The following MBD5 variants were observed in gnomAD, a reference collection of about 807,000 sequenced individuals.
MBD5 encodes the protein methyl-CpG-binding domain protein 5.
Under a neutral mutation model 117.3 loss-of-function variants are expected in MBD5, and 13 were observed. The ratio of observed to expected loss-of-function variants is 0.11; its 90% CI spans 0.07 to 0.18. MBD5 has a LOEUF of 0.18. MBD5 is among the 10% of genes least tolerant of loss of function. The pLI, the probability that MBD5 is intolerant of heterozygous loss-of-function variation, is 1.00. For synonymous variants in MBD5, 727 were observed against 766.4 expected (o/e 0.95, Z 0.85); for missense variants, 1,879 against 2,093.8 (o/e 0.90, Z 2.00).
chr2:148,233,775 T>G (rs1443284098), intron 3 of MBD5, among the ~76,000 whole-genome samples: 1 of 152,186 alleles, frequency 6.6e-6, no homozygotes, highest in African/African-American at 2.4e-5. Context: ...TTCTATTTAT[T>G]TTAGAGTTAG....
chr2:148,108,703 T>TTTTGTTTG (rs558167794), intron 1 of MBD5, among the ~76,000 whole-genome samples: 2 of 152,194 alleles, frequency 1.3e-5, no homozygotes, highest in Admixed American at 1.3e-4. Context: ...ATTTAAGAGT[T>TTTTGTTTG]TTTGTTTGTT....
intron 4 of MBD5, among the ~76,000 whole-genome samples, chr2:148,407,155 A>C (rs1263476058): frequency 6.6e-6 from 1 of 152,224 alleles, no homozygotes; most frequent in African/African-American, 2.4e-5. Flanking sequence ...ATTCAGTATG[A>C]ACCAATAACT....
Position 148,483,739 on chromosome 2 carries a change from T to C in MBD5, c.3148T>C (p.Leu1050=). The C allele has an allele frequency of 6.4e-7, 1 of 1,550,554 alleles. No homozygotes were observed. The highest frequency in any genetic ancestry group is 1.4e-5 in the African/African-American group (1 of 73,162). Residue 1050 remains leucine (L), a synonymous_variant, in exon 9 of 14, where the codon TTA becomes CTA. Coordinates refer to ENST00000642680, the MANE Select transcript of MBD5 (RefSeq NM_001378120.1). ...AGACAACAGCCGAGCTGAGACCCTT[T>C]TAACCAGCCCCCTGGGGAACCCTTT... ...QSDNSRAETL[L]TSPLGNPLPS...
intron 4 of MBD5, among the ~76,000 whole-genome samples, chr2:148,451,168 A>G (rs1706715630): frequency 6.6e-6 from 1 of 152,170 alleles, no homozygotes; most frequent in African/African-American, 2.4e-5. Context: ...TACATAAAAC[A>G]AAAGTAAATG....
chr2:148,325,739 A>G (rs1356260213), intron 3 of MBD5, among the ~76,000 whole-genome samples: 1 of 151,350 alleles, frequency 6.6e-6, no homozygotes, highest in Non-Finnish European at 1.5e-5. Context: ...TTTCTTTATT[A>G]GTCTTGCTAG....
intron 1 of MBD5, among the ~76,000 whole-genome samples, chr2:148,031,580 C>T (rs898727628): frequency 7.2e-5 from 11 of 151,902 alleles, no homozygotes; most frequent in South Asian, 6.2e-4. Flanking sequence ...AATAATATAC[C>T]GTACCTTTAC....
chr2:148,090,956 A>C (rs1431876317), intron 1 of MBD5, among the ~76,000 whole-genome samples: 1 of 152,164 alleles, frequency 6.6e-6, no homozygotes, highest in African/African-American at 2.4e-5. Flanking sequence ...AAAAGATATG[A>C]TAAATGAATT....
chr2:148,252,303 C>CA (rs530493950), intron 3 of MBD5, among the ~76,000 whole-genome samples: 10 of 151,616 alleles, frequency 6.6e-5, no homozygotes, highest in South Asian at 6.2e-4. Context: ...CTACAAAATA[C>CA]AAAAAAAATA....
Position 148,510,146 on chromosome 2 carries a change from T to A in MBD5, c.5112+11T>A. The A allele has an allele frequency of 6.3e-7, 1 of 1,587,248 alleles. No individual in the cohort carries two copies. Among genetic ancestry groups the A allele is most frequent in the Non-Finnish European group, 8.7e-7 (1 of 1,155,830 alleles). On this transcript the variant is annotated intron_variant, in intron 13 of 13. Transcript: ENST00000642680. ...AAAATGTCTGGGACTGTAAGTTAAT[T>A]TATTTTTCCATTATACTACGTTTCT...
At chr2:148,453,273 C>CCAAT (rs1315072458) in intron 4 of MBD5, among the ~76,000 whole-genome samples, 1 of 152,042 alleles carries the variant, frequency 6.6e-6, no homozygotes, top group Non-Finnish European at 1.5e-5. Context: ...TCAGAAGAAG[C>CCAAT]CAATGTAAAG....
intron 3 of MBD5, among the ~76,000 whole-genome samples, chr2:148,267,556 T>G (rs1228667019): frequency 6.6e-6 from 1 of 152,202 alleles, no homozygotes; most frequent in African/African-American, 2.4e-5. Context: ...CTGACAAAGC[T>G]AAAGCCCATC....
intron 1 of MBD5, among the ~76,000 whole-genome samples, chr2:148,047,850 A>AC (rs1246136604): frequency 1.3e-5 from 2 of 152,216 alleles, no homozygotes. Context: ...GGCTTCCTAG[A>AC]CTAAGAGAAC....
At chr2:148,254,763 C>T (rs1005498908) in intron 3 of MBD5, among the ~76,000 whole-genome samples, 4 of 152,272 alleles carry the variant, frequency 2.6e-5, no homozygotes, top group African/African-American at 9.6e-5. Flanking sequence ...ACACAGGCTG[C>T]GATGGGTATC....
At chr2:148,086,713 A>G (rs1695802738) in intron 1 of MBD5, among the ~76,000 whole-genome samples, 1 of 152,040 alleles carries the variant, frequency 6.6e-6, no homozygotes, top group South Asian at 2.1e-4. Flanking sequence ...TTCTTTTTGT[A>G]TTTCCTGTCT....
intron 3 of MBD5, among the ~76,000 whole-genome samples, chr2:148,270,921 C>A (rs1025651876): frequency 7.2e-5 from 11 of 152,060 alleles, no homozygotes; most frequent in African/African-American, 2.7e-4. Flanking sequence ...AAACAGATAG[C>A]CCTTTATTCC....
At chr2:148,086,581 C>T (rs895317564) in intron 1 of MBD5, among the ~76,000 whole-genome samples, 1 of 152,170 alleles carries the variant, frequency 6.6e-6, no homozygotes, top group Non-Finnish European at 1.5e-5. Context: ...ACCCCTACCA[C>T]AGCCTTTACA....
At chr2:148,299,230 C>A (rs185887305) in intron 3 of MBD5, among the ~76,000 whole-genome samples, 165 of 152,038 alleles carry the variant, frequency 1.1e-3, no homozygotes, top group African/African-American at 3.4e-3. Context: ...CAGGTTCAAG[C>A]GATTCTTCTG....
chr2:148,087,944 A>AC (rs1417550439), intron 1 of MBD5, among the ~76,000 whole-genome samples: 2 of 152,154 alleles, frequency 1.3e-5, no homozygotes, highest in African/African-American at 4.8e-5. Context: ...AAAGGTGAAA[A>AC]CCATCTGAAA....
intron 4 of MBD5, among the ~76,000 whole-genome samples, chr2:148,342,938 C>T (rs916085732): frequency 6.6e-6 from 1 of 151,970 alleles, no homozygotes; most frequent in Non-Finnish European, 1.5e-5. Flanking sequence ...ACCCTTTCCC[C>T]TCTAGTAGTC....
Sources: gnomAD v4.1 joint callset for allele counts (sites outside exome capture counted in the v4.1 genomes callset) on GRCh38, gnomAD v4.1.1 for gene constraint, MANE v1.5 for transcripts, NCBI Gene and HGNC (gene_info 2026-07-23, HGNC 2026-07-21) for gene names.